ARHGAP17: variants seen among roughly 807,000 people sequenced by gnomAD.
ARHGAP17 encodes the protein rho GTPase-activating protein 17.
Under a neutral mutation model 99.5 loss-of-function variants are expected in ARHGAP17, and 57 were observed. The ratio of observed to expected loss-of-function variants is 0.57; its 90% CI spans 0.46 to 0.71. The LOEUF (loss-of-function observed/expected upper bound fraction) is 0.71. Among genes scored for constraint, ARHGAP17 ranks in the 30% least tolerant of loss-of-function variants. The pLI is 0.00. For synonymous variants in ARHGAP17, 417 were observed against 429.6 expected, an observed-to-expected ratio of 0.97 and a Z score of 0.36; for missense variants, 1,000 against 1,122.4, an observed-to-expected ratio of 0.89 and a Z score of 1.56.
chr16:24,966,799 T>C (rs1029971293), intron 6 of ARHGAP17, among the ~76,000 whole-genome samples: 1 of 152,150 alleles, frequency 6.6e-6, no homozygotes, highest in Non-Finnish European at 1.5e-5. Context: ...ACCAGGAGAC[T>C]GTGGACTTTG....
intron 16 of ARHGAP17, 185 bp from the exon 17 acceptor site, chr16:24,939,782 C>T: frequency 1.5e-6 from 1 of 647,422 alleles, no homozygotes; most frequent in Admixed American, 2.5e-5. Flanking sequence ...CAAGCCTGAG[C>T]AAAGCCAATG....
intron 17 of ARHGAP17, among the ~76,000 whole-genome samples, chr16:24,938,954 G>A (rs2051228281): frequency 6.6e-6 from 1 of 152,024 alleles, no homozygotes; most frequent in South Asian, 2.1e-4. Flanking sequence ...TCAACGAATG[G>A]GTGAATAAAT....
In ARHGAP17 at chr16:24,948,679, C is replaced by T. The variant is rs570522044; in HGVS notation, c.1127+725G>A. Reference sequence around the variant, plus strand: ...TATGTAGCTTAGCTTAGTAGGAGAGCCCAAGGCGGAATTTAAGGACAAGTA... The same window carrying T: ...TATGTAGCTTAGCTTAGTAGGAGAGTCCAAGGCGGAATTTAAGGACAAGTA... On this transcript the variant is annotated intron_variant, in intron 13 of 19. Transcript: ENST00000289968. 1.1e-4 allele frequency among the ~76,000 whole-genome samples: 16 copies of T among 151,932 alleles called. No homozygotes were observed. In the South Asian group the frequency reaches 3.1e-3, roughly 30 times the overall value.
rs748103414 is a variant in ARHGAP17 at position 24,979,029 on chromosome 16, G to C, written c.54-24C>G. On this transcript the variant is annotated intron_variant, in intron 1 of 19. Transcript: ENST00000289968. ...CTCTGTGGGAAAAATTAAAAATTCA[G>C]AGTTAGAAATCCAAAAATGAAAGGC... 4 of 1,551,522 alleles carry C rather than the reference G, an allele frequency of 2.6e-6. 1 individual carries two copies. The highest frequency in any genetic ancestry group is 2.4e-5 in the South Asian group (2 of 84,002).
intron 3 of ARHGAP17, among the ~76,000 whole-genome samples, chr16:24,976,602 A>G (rs548148323): frequency 9.3e-4 from 142 of 152,174 alleles, no homozygotes; most frequent in African/African-American, 3.3e-3. Context: ...GCAAAAAGAA[A>G]AGAAAAAAGA....
Position 24,952,925 on chromosome 16 carries a change from G to A in ARHGAP17, c.964+6C>T, listed in dbSNP as rs184040499. On this transcript the variant is annotated splice_donor_region_variant and intron_variant, in intron 11 of 19. Transcript: ENST00000289968. The stretch of plus-strand genomic sequence containing the variant: ...ACTTGATTTGCAGACACTCTTTGGC[G>A]CTCACCTGCTACAGCATGGGGGTCT... 84 of 1,612,924 alleles carry A rather than the reference G, an allele frequency of 5.2e-5. No individual in the cohort carries two copies. Among genetic ancestry groups the A allele is most frequent in the African/African-American group, 3.6e-4 (27 of 75,014 alleles).
At chr16:24,969,172 T>C (rs564941627) in intron 4 of ARHGAP17, among the ~76,000 whole-genome samples, 1 of 152,254 alleles carries the variant, frequency 6.6e-6, no homozygotes, top group Non-Finnish European at 1.5e-5. Context: ...CTTTCTGCTA[T>C]GCAGATGAGC....
rs548943872 is a variant in ARHGAP17 at position 24,935,544 on chromosome 16, G to C, written c.1820C>G (p.Ala607Gly). The part of the protein sequence containing the change: ...IASGQNQPQA[A>G]AGSHQLSMGQ... ...CATGGAGAGCTGGTGGGAGCCAGCA[G>C]CTGCCTGGGGCTGATTTTGGCCAGA... The change falls in exon 18 of 20, where the codon GCT becomes GGT. Residue 607 changes from alanine (A) to glycine (G), a missense_variant. Ala to Gly is a moderately conservative substitution (Grantham distance 60). Coordinates refer to ENST00000289968, the MANE Select transcript of ARHGAP17 (RefSeq NM_001006634.3). 5 of 1,613,942 alleles carry C rather than the reference G, an allele frequency of 3.1e-6. No homozygotes were observed. In the Admixed American group the frequency reaches 5.0e-5, roughly 16 times the overall value.
At chr16:24,947,448 A>G in intron 14 of ARHGAP17, 34 bp downstream of exon 14, 1 of 1,567,358 alleles carries the variant, frequency 6.4e-7, no homozygotes, top group Admixed American at 1.7e-5. Flanking sequence ...GTGGGAAAGA[A>G]GAAATTCAAA....
chr16:24,989,583 G>A (rs542071656), intron 1 of ARHGAP17, among the ~76,000 whole-genome samples: 2 of 152,192 alleles, frequency 1.3e-5, no homozygotes, highest in South Asian at 2.1e-4. Context: ...ATGAGTGGTT[G>A]GCTTTGGGGG....
At chr16:24,942,180 G>A in intron 15 of ARHGAP17, 37 bp from the exon 16 acceptor site, 1 of 1,572,992 alleles carries the variant, frequency 6.4e-7, no homozygotes, top group Non-Finnish European at 8.6e-7. Context: ...ATGAGACACT[G>A]AGCACAGCAG....
At chr16:24,974,621 G>C (rs2052463666) in intron 3 of ARHGAP17, among the ~76,000 whole-genome samples, 1 of 151,980 alleles carries the variant, frequency 6.6e-6, no homozygotes, top group Non-Finnish European at 1.5e-5. Flanking sequence ...TAATAGGGTT[G>C]ATTTGTGTTT....
chr16:25,005,300 T>C (rs1463576358), intron 1 of ARHGAP17, among the ~76,000 whole-genome samples: 1 of 152,260 alleles, frequency 6.6e-6, no homozygotes, highest in African/African-American at 2.4e-5. Flanking sequence ...CAGTTTCTTA[T>C]AGAAATCTTA....
At chr16:24,940,259 T>C (rs367748553) in intron 16 of ARHGAP17, among the ~76,000 whole-genome samples, 5 of 152,174 alleles carry the variant, frequency 3.3e-5, no homozygotes, top group East Asian at 1.9e-4. Flanking sequence ...CTCAAATCTG[T>C]TTTTGGGGAA....
intron 14 of ARHGAP17, among the ~76,000 whole-genome samples, chr16:24,947,058 G>T (rs377726941): frequency 6.6e-6 from 1 of 152,114 alleles, no homozygotes. Flanking sequence ...TCTCTGCTGG[G>T]CATTAAAATG....
intron 1 of ARHGAP17, among the ~76,000 whole-genome samples, chr16:24,983,694 T>C (rs1397989283): frequency 6.6e-6 from 1 of 152,228 alleles, no homozygotes; most frequent in East Asian, 1.9e-4. Flanking sequence ...TCCAACGTTC[T>C]GGGCTTGAAA....
At position 24,955,007 on chromosome 16, in the gene ARHGAP17, A is replaced by AC. The variant is rs138861390; in HGVS notation, c.725-278dup. 1.9e-3 allele frequency: 738 copies of AC among 391,272 alleles called. 5 individuals carry two copies. Among genetic ancestry groups the AC allele is most frequent in the African/African-American group, 0.014 (655 of 48,298 alleles). 24.2% of individuals were successfully genotyped at this position (391,272 alleles called of 1,614,324 possible). A position where few individuals can be genotyped will look rare whatever the true frequency, so the allele number is the denominator to read the frequency against. On this transcript the variant is annotated intron_variant, in intron 9 of 19. Transcript: ENST00000289968. This position sits in a 1 kb window ranked among gnomAD's most constrained non-coding sequence, Gnocchi z 4.0. ...AGCTGCAGTGGCACGCTGCACCTGC[A>AC]CCACACTTCATCAACACACGCCAGC...
intron 9 of ARHGAP17, chr16:24,957,101 G>C (rs941934757): frequency 6.6e-6 from 1 of 152,428 alleles, no homozygotes; most frequent in African/African-American, 2.4e-5. Context: ...GGGAAGAGAG[G>C]ATGACAGAGC....
intron 17 of ARHGAP17, chr16:24,936,791 T>C (rs1198456245): frequency 1.3e-5 from 2 of 152,022 alleles, no homozygotes; most frequent in African/African-American, 2.4e-5. Flanking sequence ...CATTTAGCCT[T>C]GATTAAACAA....
Sources: allele counts gnomAD v4.1 joint callset (sites outside exome capture counted in the v4.1 genomes callset), GRCh38; gene constraint gnomAD v4.1.1; non-coding constraint Gnocchi (gnomAD v3.1); transcripts MANE v1.5; gene names NCBI Gene and HGNC (gene_info 2026-07-23, HGNC 2026-07-21).